The following CCDC91 variants were observed in gnomAD, a reference collection of about 807,000 sequenced individuals.
CCDC91 encodes the protein coiled-coil domain containing 91.
Under a neutral mutation model 63.2 loss-of-function variants are expected in CCDC91, and 48 were observed. The observed-to-expected ratio is 0.76, with a 90% CI of 0.60 to 0.97. The LOEUF is 0.97. CCDC91 is among the 50% of genes least tolerant of loss of function. The pLI is 0.00. For missense variants in CCDC91, 500 were observed against 494.6 expected (o/e 1.01, Z -0.10); for synonymous variants, 167 against 165.8 (o/e 1.01, Z -0.06).
chr12:28,363,876 GAAAAAAA>G (rs34997286), intron 7 of CCDC91, among the ~76,000 whole-genome samples: 18 of 52,554 alleles, frequency 3.4e-4, no homozygotes, highest in East Asian at 1.4e-3. Flanking sequence ...GGCTCCATCT[GAAAAAAA>G]AAAAAAAAAA....
chr12:28,292,469 A>G (rs1949311792), intron 3 of CCDC91, among the ~76,000 whole-genome samples: 1 of 152,170 alleles, frequency 6.6e-6, no homozygotes, highest in Non-Finnish European at 1.5e-5. Context: ...TATTTCTTTT[A>G]ACCTGCTTGA....
intron 12 of CCDC91, among the ~76,000 whole-genome samples, chr12:28,524,101 C>T (rs1337043255): frequency 6.6e-6 from 1 of 152,026 alleles, no homozygotes; most frequent in Non-Finnish European, 1.5e-5. Context: ...AACAGTGGAT[C>T]TCTCGGCCAA....
Position 28,509,529 on chromosome 12 carries a change from G to A in CCDC91, c.1215+25364G>A, listed in dbSNP as rs180935800. Among the ~76,000 whole-genome samples, 337 of 151,848 alleles carry A rather than the reference G, an allele frequency of 2.2e-3. 3 individuals are homozygous for A. Among genetic ancestry groups the A allele is most frequent in the African/African-American group, 7.7e-3 (319 of 41,456 alleles). The stretch of plus-strand genomic sequence containing the variant: ...TAATACACATCAACAGTTTAATAGA[G>A]CTTATTTCTGGATGAAAACATGAGT... On this transcript the variant is annotated intron_variant, in intron 12 of 12. Coordinates refer to ENST00000536442, the MANE Select transcript of CCDC91 (RefSeq NM_018318.5).
At chr12:28,323,371 A>C (rs2137478681) in intron 6 of CCDC91, among the ~76,000 whole-genome samples, 1 of 151,954 alleles carries the variant, frequency 6.6e-6, no homozygotes, top group South Asian at 2.1e-4. Flanking sequence ...TTACCATGAC[A>C]ATATTTGTAA....
At chr12:28,510,237 A>ATG (rs60548491) in intron 12 of CCDC91, among the ~76,000 whole-genome samples, 1,547 of 149,128 alleles carry the variant, frequency 0.01, 12 homozygotes, top group South Asian at 0.017. Context: ...TCAATAGGGC[A>ATG]TGTGTGTGTG....
chr12:28,303,534 CATAA>C (rs1244782826), intron 3 of CCDC91, among the ~76,000 whole-genome samples: 8 of 152,018 alleles, frequency 5.3e-5, no homozygotes, highest in African/African-American at 1.7e-4. Flanking sequence ...ATATGAGTAA[CATAA>C]ATAAATATTA....
At chr12:28,202,113 A>G (rs1942497873) in intron 1 of CCDC91, among the ~76,000 whole-genome samples, 1 of 144,974 alleles carries the variant, frequency 6.9e-6, no homozygotes, top group African/African-American at 2.5e-5. Flanking sequence ...TTTATTTTGT[A>G]ATCTCTATCT....
intron 8 of CCDC91, among the ~76,000 whole-genome samples, chr12:28,425,368 T>G (rs1592637203): frequency 6.6e-6 from 1 of 152,110 alleles, no homozygotes; most frequent in African/African-American, 2.4e-5. Flanking sequence ...TCTCACTCAC[T>G]GTTCAGTACT....
intron 6 of CCDC91, among the ~76,000 whole-genome samples, chr12:28,358,594 A>G (rs1943670079): frequency 1.3e-5 from 2 of 152,206 alleles, no homozygotes; most frequent in Non-Finnish European, 2.9e-5. Context: ...CACTTTAATA[A>G]GTGCCATAGT....
chr12:28,420,654 A>G (rs1947947114), intron 8 of CCDC91, among the ~76,000 whole-genome samples: 1 of 151,972 alleles, frequency 6.6e-6, no homozygotes, highest in African/African-American at 2.4e-5. Flanking sequence ...AAGCGTTGTT[A>G]TTGTATTTCC....
chr12:28,244,840 A>G (rs1057249341), intron 1 of CCDC91, among the ~76,000 whole-genome samples: 3 of 151,360 alleles, frequency 2.0e-5, no homozygotes, highest in African/African-American at 7.3e-5. Context: ...ATTGCACTCC[A>G]GCATGGGCAA....
chr12:28,422,329 G>GGT (rs1948063365), intron 8 of CCDC91, among the ~76,000 whole-genome samples: 1 of 151,890 alleles, frequency 6.6e-6, no homozygotes, highest in Non-Finnish European at 1.5e-5. Flanking sequence ...GGTTATAGGA[G>GGT]GTAAAAGGGT....
intron 1 of CCDC91, among the ~76,000 whole-genome samples, chr12:28,193,345 G>A (rs1591926784): frequency 1.3e-5 from 2 of 152,318 alleles, no homozygotes; most frequent in East Asian, 1.9e-4. Flanking sequence ...GCTCAGACTT[G>A]TAATCCCAGC....
chr12:28,341,050 C>G (rs1201558584), intron 6 of CCDC91, among the ~76,000 whole-genome samples: 1 of 152,106 alleles, frequency 6.6e-6, no homozygotes. Flanking sequence ...TTCTGTCCAC[C>G]CCAATCAAAC....
chr12:28,337,316 G>C (rs1942057880), intron 6 of CCDC91, among the ~76,000 whole-genome samples: 1 of 151,860 alleles, frequency 6.6e-6, no homozygotes, highest in African/African-American at 2.4e-5. Context: ...AATTCATACT[G>C]CTCCTATAGC....
intron 3 of CCDC91, among the ~76,000 whole-genome samples, chr12:28,293,408 G>T (rs1356233026): frequency 6.6e-6 from 1 of 152,134 alleles, no homozygotes; most frequent in African/African-American, 2.4e-5. Flanking sequence ...TGGGCAGAAG[G>T]GGACTTTAAA....
chr12:28,450,037 A>G (rs2272361), intron 8 of CCDC91, 124 bp from the exon 9 acceptor site: 1 of 552,344 alleles, frequency 1.8e-6, no homozygotes, highest in Admixed American at 3.3e-5. Context: ...TTTTAGGGAA[A>G]TTCTCATTTT....
At chr12:28,353,082 C>T (rs1416810822) in intron 6 of CCDC91, among the ~76,000 whole-genome samples, 2 of 152,240 alleles carry the variant, frequency 1.3e-5, no homozygotes, top group Non-Finnish European at 2.9e-5. Flanking sequence ...TACATCAGTA[C>T]TTGCTGCTTC....
chr12:28,470,635 C>T (rs1950769364), intron 11 of CCDC91, among the ~76,000 whole-genome samples: 1 of 152,102 alleles, frequency 6.6e-6, no homozygotes, highest in Admixed American at 6.6e-5. Context: ...ACTTGCACTC[C>T]TCTGTTTGTT....
Sources: gnomAD v4.1 joint callset for allele counts (sites outside exome capture counted in the v4.1 genomes callset) on GRCh38, gnomAD v4.1.1 for gene constraint, MANE v1.5 for transcripts, NCBI Gene and HGNC (gene_info 2026-07-23, HGNC 2026-07-21) for gene names.